The following IL34 variants were observed in gnomAD, a reference collection of about 807,000 sequenced individuals.
IL34 encodes interleukin-34.
Under a neutral mutation model 25.3 loss-of-function variants are expected in IL34, and 17 were observed. The observed-to-expected ratio is 0.67, with a 90% CI of 0.46 to 1.01. IL34 has a LOEUF of 1.01. Among genes scored for constraint, IL34 ranks in the 50% least tolerant of loss-of-function variants. IL34 has a pLI of 0.00. For missense variants in IL34, 368 were observed against 312.9 expected (o/e 1.18, Z -1.33); for synonymous variants, 174 against 140.9 (o/e 1.23, Z -1.66).
At chr16:70,646,185 C>T (rs1335642035), upstream of IL34, among the ~76,000 whole-genome samples, 14 of 152,140 alleles carry the variant, frequency 9.2e-5, no homozygotes, top group Non-Finnish European at 2.9e-5. Flanking sequence ...GCTGGGATTA[C>T]AAGCATGAGC....
At position 70,660,064 on chromosome 16, in the gene IL34, G is replaced by A; in HGVS notation, c.606G>A (p.Glu202=). 6.2e-7 allele frequency: 1 copy of A among 1,613,644 alleles called. No homozygotes were observed. Among genetic ancestry groups the A allele is most frequent in the Non-Finnish European group, 8.5e-7 (1 of 1,179,844 alleles). Residue 202 remains glutamate (E), a synonymous_variant, in exon 6 of 6, where the codon GAG becomes GAA. Coordinates refer to ENST00000288098, the MANE Select transcript of IL34 (RefSeq NM_001393494.1). ...EVPSPQSCSP[E]PSLQYAATQL... ...CAAGTCCTCAGTCTTGCAGCCCAGA[G>A]CCCTCATTGCAGTATGCGGCCACCC...
At chr16:70,649,355 A>G (rs1340926878) in intron 1 of IL34, among the ~76,000 whole-genome samples, 3 of 152,202 alleles carry the variant, frequency 2.0e-5, no homozygotes, top group African/African-American at 7.2e-5. Flanking sequence ...GGGAAGGGGT[A>G]GTAACTTTTG....
At chr16:70,595,727 T>A (rs1009292598) in intron 1 of IL34, among the ~76,000 whole-genome samples, 1 of 151,666 alleles carries the variant, frequency 6.6e-6, no homozygotes, top group African/African-American at 2.4e-5. Context: ...CATAAGAAAA[T>A]CCGGCTGGGC....
At chr16:70,627,267 G>A (rs1567451808) in intron 1 of IL34, among the ~76,000 whole-genome samples, 1 of 152,144 alleles carries the variant, frequency 6.6e-6, no homozygotes, top group Non-Finnish European at 1.5e-5. Flanking sequence ...GAAAGCTGAA[G>A]TATAACACAC....
At chr16:70,598,738 A>G (rs2050861846) in intron 1 of IL34, among the ~76,000 whole-genome samples, 1 of 152,182 alleles carries the variant, frequency 6.6e-6, no homozygotes, top group East Asian at 1.9e-4. Context: ...AACTCTGTCC[A>G]TAAAATTAAA....
chr16:70,633,832 C>G (rs556719789), intron 1 of IL34, among the ~76,000 whole-genome samples: 1 of 151,906 alleles, frequency 6.6e-6, no homozygotes, highest in Non-Finnish European at 1.5e-5. Flanking sequence ...TCAATCATCA[C>G]GTGGTCTTCT....
intron 1 of IL34, among the ~76,000 whole-genome samples, chr16:70,632,150 G>C (rs968813252): frequency 6.6e-6 from 1 of 151,678 alleles, no homozygotes; most frequent in African/African-American, 2.4e-5. Flanking sequence ...CTCCAGCCTT[G>C]TTGGGAGGCA....
At position 70,659,706 on chromosome 16, in the gene IL34, T is replaced by G. The variant is rs2052336793; in HGVS notation, c.491T>G (p.Leu164Arg). The G allele has an allele frequency of 5.6e-6, 9 of 1,611,098 alleles. No individual in the cohort carries two copies. The highest frequency in any genetic ancestry group is 1.3e-5 in the African/African-American group (1 of 74,896). ...PNLKLVRPKA[L>R]LDNCFRVMEL... is the part of the protein sequence containing the mutation. ...CTGAAGCTGGTGCGGCCCAAAGCCC[T>G]GCTGGACAACTGCTTCCGGGTCATG... The change falls in exon 5 of 6, where the codon CTG becomes CGG. Residue 164 changes from leucine to arginine, a missense_variant. Coordinates refer to ENST00000288098, the MANE Select transcript of IL34 (RefSeq NM_001393494.1).
intron 1 of IL34, among the ~76,000 whole-genome samples, chr16:70,636,771 CAAACA>C (rs57095554): frequency 2.3e-4 from 35 of 150,980 alleles, no homozygotes; most frequent in Admixed American, 1.3e-3. Context: ...CTGTCTCAAA[CAAACA>C]AAACAAAACA....
chr16:70,607,009 A>G (rs1288807167), intron 1 of IL34, among the ~76,000 whole-genome samples: 2 of 152,206 alleles, frequency 1.3e-5, no homozygotes, highest in Admixed American at 6.6e-5. Flanking sequence ...TAGACACACA[A>G]TTGATTTTTG....
intron 1 of IL34, among the ~76,000 whole-genome samples, chr16:70,634,130 T>C (rs35285555): frequency 0.33 from 50,495 of 151,774 alleles, 8,542 homozygotes; most frequent in South Asian, 0.47. Context: ...GGATTACAGG[T>C]GTGAGCCACC....
At chr16:70,630,264 G>T (rs1226180317) in intron 1 of IL34, among the ~76,000 whole-genome samples, 1 of 151,838 alleles carries the variant, frequency 6.6e-6, no homozygotes. Context: ...TTTGGAGATG[G>T]AGTCTCTCTG....
chr16:70,598,369 A>C (rs575023974), intron 1 of IL34, among the ~76,000 whole-genome samples: 1 of 152,158 alleles, frequency 6.6e-6, no homozygotes, highest in South Asian at 2.1e-4. Flanking sequence ...TTCATAAAGT[A>C]ATGTTTTCCT....
intron 1 of IL34, among the ~76,000 whole-genome samples, chr16:70,640,021 G>A (rs963893032): frequency 1.3e-5 from 2 of 152,170 alleles, no homozygotes; most frequent in Admixed American, 1.3e-4. Context: ...GAAACTCTAG[G>A]CTGTAGACCA....
At chr16:70,599,274 T>TTTCTTTCTTTCTTTCTTTCTTTCA (rs2050871231) in intron 1 of IL34, among the ~76,000 whole-genome samples, 1 of 115,414 alleles carries the variant, frequency 8.7e-6, no homozygotes, top group African/African-American at 3.7e-5. Context: ...TGTTTCTTTC[T>TTTCTTTCTTTCTTTCTTTCTTTCA]TTCTTTCTTT....
At chr16:70,594,046 C>T (rs2050787022) in intron 1 of IL34, among the ~76,000 whole-genome samples, 2 of 152,162 alleles carry the variant, frequency 1.3e-5, no homozygotes, top group Non-Finnish European at 2.9e-5. Context: ...TTAAGTAAGT[C>T]TTGAAGTCAG....
intron 1 of IL34, among the ~76,000 whole-genome samples, chr16:70,624,551 G>T (rs139915045): frequency 2.6e-3 from 371 of 143,952 alleles, no homozygotes; most frequent in South Asian, 5.6e-3. Context: ...GCGTCTCAAG[G>T]TTGCAGCCAA....
chr16:70,591,686 G>C (rs1409410885), intron 1 of IL34, among the ~76,000 whole-genome samples: 1 of 152,156 alleles, frequency 6.6e-6, no homozygotes, highest in Admixed American at 6.5e-5. Context: ...CTCTGTGCCA[G>C]GCAGGGTGCT....
chr16:70,581,035 C>T (rs2151800581), intron 1 of IL34, among the ~76,000 whole-genome samples: 1 of 151,908 alleles, frequency 6.6e-6, no homozygotes, highest in Middle Eastern at 3.4e-3. Context: ...CCTCAGCCTC[C>T]TGAGTAGCTG....
Sources: gnomAD v4.1 joint callset for allele counts (sites outside exome capture counted in the v4.1 genomes callset) on GRCh38, gnomAD v4.1.1 for gene constraint, MANE v1.5 for transcripts, NCBI Gene and HGNC (gene_info 2026-07-23, HGNC 2026-07-21) for gene names.